Variants in SVEP1 observed in about 807,000 individuals in gnomAD.
SVEP1 encodes sushi, von Willebrand factor type A, EGF and pentraxin domain-containing protein 1.
SVEP1 carries 164 observed loss-of-function variants against 367.3 expected under a neutral mutation model. That is an observed-to-expected ratio of 0.45 (90% CI 0.39 to 0.51). The LOEUF (loss-of-function observed/expected upper bound fraction) is 0.51. Among genes scored for constraint, SVEP1 ranks in the 20% least tolerant of loss-of-function variants. SVEP1 has a pLI of 0.00. For synonymous variants in SVEP1, 1,666 were observed against 1,611.6 expected, an observed-to-expected ratio of 1.03 and a Z score of -0.81; for missense variants, 4,117 against 4,425.3, an observed-to-expected ratio of 0.93 and a Z score of 1.98.
chr9:110,535,402 C>T (rs1830066667), intron 3 of SVEP1, among the ~76,000 whole-genome samples: 1 of 152,108 alleles, frequency 6.6e-6, no homozygotes, highest in Non-Finnish European at 1.5e-5. Context: ...CAGTACCATG[C>T]TATTTTGGTT....
chr9:110,539,961 C>A (rs1462925184), intron 3 of SVEP1, among the ~76,000 whole-genome samples: 3 of 151,950 alleles, frequency 2.0e-5, no homozygotes, highest in African/African-American at 4.8e-5. Flanking sequence ...AGCTGTGTGA[C>A]CCTGGACAAA....
At chr9:110,570,467 C>CGTGT (rs59503025) in intron 1 of SVEP1, among the ~76,000 whole-genome samples, 22,027 of 146,816 alleles carry the variant, frequency 0.15, 1,765 homozygotes, top group Non-Finnish European at 0.18. Flanking sequence ...GTTTCTGTTG[C>CGTGT]GTGTGTGTGT....
chr9:110,545,916 C>T (rs908220325), intron 3 of SVEP1, among the ~76,000 whole-genome samples, 199 bp downstream of exon 3: 17 of 152,298 alleles, frequency 1.1e-4, no homozygotes, highest in African/African-American at 4.1e-4. Context: ...GAGAATCCAG[C>T]TGAGATCAGC....
chr9:110,487,923 C>T lies in SVEP1; in HGVS notation c.1930+1727G>A, dbSNP rs185759604. On this transcript the variant is annotated intron_variant, in intron 9 of 47. Coordinates refer to ENST00000374469, the MANE Select transcript of SVEP1 (RefSeq NM_153366.4). ...TGGGTTCAGAGTCCATGCTCTTGTC[C>T]ACTACAGATTGCTATGTAGCCTACC... 1.2e-4 allele frequency among the ~76,000 whole-genome samples: 19 copies of T among 152,304 alleles called. No homozygotes were observed. In the East Asian group the frequency reaches 3.7e-3, roughly 29 times the overall value.
intron 40 of SVEP1, among the ~76,000 whole-genome samples, chr9:110,393,462 G>A (rs1827700373): frequency 6.6e-6 from 1 of 152,222 alleles, no homozygotes; most frequent in Non-Finnish European, 1.5e-5. Flanking sequence ...GAAGACGGGT[G>A]ATTTCTGCAT....
At chr9:110,425,468 A>G (rs903168440) in intron 36 of SVEP1, among the ~76,000 whole-genome samples, 12 of 152,214 alleles carry the variant, frequency 7.9e-5, no homozygotes, top group African/African-American at 2.7e-4. Flanking sequence ...ATGATCTTGC[A>G]TAGAACAAAT....
intron 7 of SVEP1, 110 bp downstream of exon 7, chr9:110,498,931 A>T: frequency 1.1e-6 from 1 of 921,308 alleles, no homozygotes. Context: ...GCACCTAACC[A>T]TATTATCATG....
At chr9:110,502,519 T>G in intron 6 of SVEP1, among the ~76,000 whole-genome samples, 1 of 152,198 alleles carries the variant, frequency 6.6e-6, no homozygotes, top group East Asian at 1.9e-4. Context: ...ATAGTTCTTT[T>G]TCATTTACTT....
intron 3 of SVEP1, among the ~76,000 whole-genome samples, chr9:110,541,868 GATATCTATATA>G (rs1830154019): frequency 7.6e-6 from 1 of 131,088 alleles, no homozygotes; most frequent in South Asian, 2.4e-4. Flanking sequence ...TATATACATA[GATATCTATATA>G]TATCTATATA....
chr9:110,555,191 A>T (rs1386654224), intron 1 of SVEP1, among the ~76,000 whole-genome samples: 2 of 151,956 alleles, frequency 1.3e-5, no homozygotes, highest in Admixed American at 6.6e-5. Context: ...TAAAAACGTG[A>T]GAATTTTCCT....
Position 110,464,037 on chromosome 9 carries a change from A to T in SVEP1, c.3322+1828T>A, listed in dbSNP as rs568468432. On this transcript the variant is annotated intron_variant, in intron 18 of 47. Transcript: ENST00000374469. ...CAAGGTTTATTTAGAAAGCTAAAAA[A>T]AAATTGTCAAATGTGAACTTGTTTC... Among the ~76,000 whole-genome samples the T allele has an allele frequency of 2.7e-3, 410 of 152,294 alleles. 1 individual carries two copies. Among genetic ancestry groups the T allele is most frequent in the Non-Finnish European group, 4.7e-3 (321 of 68,018 alleles).
chr9:110,447,761 T>C (rs979940852), intron 24 of SVEP1, among the ~76,000 whole-genome samples: 11 of 152,206 alleles, frequency 7.2e-5, no homozygotes, highest in African/African-American at 2.4e-4. Context: ...TAGGAGATAA[T>C]TGCACAAGGT....
chr9:110,457,308 G>A lies in SVEP1; in HGVS notation c.3621C>T (p.Thr1207=), dbSNP rs778315788. Residue 1207 remains threonine, a synonymous_variant, in exon 21 of 48, where the codon ACC becomes ACT. Coordinates refer to ENST00000374469, the MANE Select transcript of SVEP1 (RefSeq NM_153366.4). The part of the protein sequence containing the change: ...CFFNPCHNSG[T]CQQLGRGYVC... ...CATAACCACGCCCAAGTTGCTGGCAGGTTCCACTATTGTGGCAAGGGTTAA... is the reference window on the plus strand; with the variant it reads ...CATAACCACGCCCAAGTTGCTGGCAAGTTCCACTATTGTGGCAAGGGTTAA... The A allele has an allele frequency of 3.1e-6, 5 of 1,612,452 alleles. No individual in the cohort carries two copies. The highest frequency in any genetic ancestry group is 1.7e-5 in the Admixed American group (1 of 59,512).
intron 3 of SVEP1, among the ~76,000 whole-genome samples, chr9:110,527,182 G>T (rs925407364): frequency 1.3e-5 from 2 of 152,000 alleles, no homozygotes; most frequent in African/African-American, 4.8e-5. Flanking sequence ...TACCATTGGG[G>T]AAAATGATAT....
At chr9:110,426,824 AT>A (rs1299002508) in intron 36 of SVEP1, among the ~76,000 whole-genome samples, 1 of 152,094 alleles carries the variant, frequency 6.6e-6, no homozygotes, top group Non-Finnish European at 1.5e-5. Flanking sequence ...GCCCTTCGTA[AT>A]TTGTTACCTG....
At chr9:110,508,399 C>G (rs1421423617) in intron 5 of SVEP1, among the ~76,000 whole-genome samples, 1 of 152,012 alleles carries the variant, frequency 6.6e-6, no homozygotes, top group Non-Finnish European at 1.5e-5. Flanking sequence ...ATTGGTTGAA[C>G]CTTTTTACTC....
Position 110,514,949 on chromosome 9 carries a change from C to T in SVEP1, c.965-843G>A, listed in dbSNP as rs557466405. On this transcript the variant is annotated intron_variant, in intron 3 of 47. Coordinates refer to ENST00000374469, the MANE Select transcript of SVEP1 (RefSeq NM_153366.4). ...GAAAGGATGAGGAGAAAGTGAAGAG[C>T]TTGAGGGACATAATCCAACCGACAG... Among the ~76,000 whole-genome samples the T allele has an allele frequency of 6.6e-5, 10 of 152,242 alleles. No homozygotes were observed. In the East Asian group the frequency reaches 1.9e-3, roughly 29 times the overall value.
intron 2 of SVEP1, 77 bp downstream of exon 2, chr9:110,549,772 C>T (rs1313975274): frequency 1.9e-5 from 30 of 1,551,310 alleles, no homozygotes; most frequent in Non-Finnish European, 2.6e-5. Flanking sequence ...ATATTACCCT[C>T]CCATGGGTTT....
intron 2 of SVEP1, 143 bp downstream of exon 2, chr9:110,549,706 A>G (rs1249762122): frequency 7.3e-6 from 8 of 1,100,814 alleles, no homozygotes; most frequent in Non-Finnish European, 1.0e-5. Flanking sequence ...AGCACATTTC[A>G]TGATGCCCAA....
Sources: gnomAD v4.1 joint callset for allele counts (sites outside exome capture counted in the v4.1 genomes callset) on GRCh38, gnomAD v4.1.1 for gene constraint, MANE v1.5 for transcripts, NCBI Gene and HGNC (gene_info 2026-07-23, HGNC 2026-07-21) for gene names.